Variants in SP100 observed in about 807,000 individuals in gnomAD.
The protein encoded by SP100 is nuclear autoantigen Sp-100.
Under a neutral mutation model 130.0 loss-of-function variants are expected in SP100, and 84 were observed. That is an observed-to-expected ratio of 0.65 (90% confidence interval 0.54 to 0.77). The LOEUF (loss-of-function observed/expected upper bound fraction) is 0.77. SP100 is among the 30% of genes least tolerant of loss of function. The pLI is 0.00. For synonymous variants in SP100, 331 were observed against 351.7 expected (o/e 0.94, Z 0.66); for missense variants, 978 against 1,052.2 (o/e 0.93, Z 0.97).
chr2:230,431,000 C>T (rs893151215), intron 2 of SP100, among the ~76,000 whole-genome samples: 8 of 152,294 alleles, frequency 5.3e-5, no homozygotes, highest in Admixed American at 4.6e-4. Flanking sequence ...GAAACCTAAA[C>T]GTCTTAGGTG....
chr2:230,517,498 A>T lies in SP100; in HGVS notation c.2094+6332A>T, dbSNP rs922695510. ...AGTTTTGGGCCAGGCGCCATAGCTA[A>T]CACCTGTAATCCCAGCACTGTGGGA... On this transcript the variant is annotated intron_variant, in intron 24 of 28. Transcript: ENST00000340126. 4.6e-5 allele frequency among the ~76,000 whole-genome samples: 7 copies of T among 152,312 alleles called. No individual in the cohort carries two copies. The South Asian group carries it at 1.0e-3, about 23-fold the overall frequency.
rs1444056896 is a variant in SP100 at position 230,473,399 on chromosome 2, A to T, written c.1505A>T (p.Gln502Leu). 5 of 1,613,800 alleles carry T rather than the reference A, an allele frequency of 3.1e-6. No individual in the cohort carries two copies. The highest frequency in any genetic ancestry group is 4.2e-6 in the Non-Finnish European group (5 of 1,179,738). ...MCFPKGVPRSQEARTESSQAS... is the reference protein window; with the variant it reads ...MCFPKGVPRSLEARTESSQAS... ...TTTCCAAAAGGTGTGCCAAGAAGCC[A>T]AGAAGCAAGGACTGAAAGTAGTCAA... The change falls in exon 16 of 29, where the codon CAA becomes CTA. Residue 502 changes from glutamine (Q) to leucine (L), a missense_variant. Physicochemically the swap from Gln to Leu is moderately radical, Grantham distance 113. Coordinates refer to ENST00000340126, the MANE Select transcript of SP100 (RefSeq NM_001080391.2).
intron 2 of SP100, among the ~76,000 whole-genome samples, chr2:230,435,375 T>C (rs759359983): frequency 6.6e-6 from 1 of 152,198 alleles, no homozygotes; most frequent in Non-Finnish European, 1.5e-5. Context: ...ATCAGATATA[T>C]TAACCCTTTG....
In SP100 at chr2:230,459,899, A is replaced by G. The variant is rs1231321391; in HGVS notation, c.821-1363A>G. Among the ~76,000 whole-genome samples the G allele has an allele frequency of 3.3e-5, 5 of 152,314 alleles. No individual in the cohort carries two copies. The East Asian group carries it at 9.7e-4, about 29-fold the overall frequency. On this transcript the variant is annotated intron_variant, in intron 8 of 28. Coordinates refer to ENST00000340126, the MANE Select transcript of SP100 (RefSeq NM_001080391.2). ...CCAGTGCCTTCGTGTGGCCCTTAGC[A>G]GTAGATCAACACTGCTTGGAGTGGT...
intron 10 of SP100, 160 bp downstream of exon 10, chr2:230,462,678 G>C: frequency 3.2e-6 from 2 of 620,062 alleles, no homozygotes; most frequent in Non-Finnish European, 5.8e-6. Flanking sequence ...TTTGGAAAAT[G>C]CAGGGAGACA....
chr2:230,485,229 A>G (rs554055233), intron 17 of SP100, among the ~76,000 whole-genome samples: 1 of 152,262 alleles, frequency 6.6e-6, no homozygotes, highest in South Asian at 2.1e-4. Context: ...CTGGGATGAC[A>G]GGCATGAGCT....
intron 5 of SP100, among the ~76,000 whole-genome samples, chr2:230,448,125 A>G (rs2063789230): frequency 6.6e-6 from 1 of 152,218 alleles, no homozygotes; most frequent in Non-Finnish European, 1.5e-5. Flanking sequence ...AAACTTGGTG[A>G]TGGCAGAAGA....
chr2:230,514,949 G>A, intron 24 of SP100: 1 of 1,366,544 alleles, frequency 7.3e-7, no homozygotes. Context: ...GCTCCATAGA[G>A]ATAGTGCTGG....
intron 2 of SP100, among the ~76,000 whole-genome samples, chr2:230,432,846 A>G (rs2063139195): frequency 6.6e-6 from 1 of 152,162 alleles, no homozygotes; most frequent in Non-Finnish European, 1.5e-5. Flanking sequence ...AAATTTTGTT[A>G]AATTTTAACA....
chr2:230,519,301 G>A (rs1691060804), intron 24 of SP100, among the ~76,000 whole-genome samples: 1 of 152,216 alleles, frequency 6.6e-6, no homozygotes, highest in African/African-American at 2.4e-5. Flanking sequence ...GTCAGTGGGA[G>A]ATTGGGAGCA....
intron 8 of SP100, among the ~76,000 whole-genome samples, chr2:230,458,877 A>G (rs903722282): frequency 6.6e-6 from 1 of 152,226 alleles, no homozygotes; most frequent in Non-Finnish European, 1.5e-5. Context: ...AGGTAACGTT[A>G]ATAATTAAGA....
At chr2:230,422,919 C>G (rs1253947338) in intron 2 of SP100, among the ~76,000 whole-genome samples, 1 of 152,178 alleles carries the variant, frequency 6.6e-6, no homozygotes, top group Non-Finnish European at 1.5e-5. Flanking sequence ...AACTTTGTGA[C>G]CTACAATTTT....
At chr2:230,531,974 T>G (rs1691721823) in intron 24 of SP100, among the ~76,000 whole-genome samples, 1 of 152,248 alleles carries the variant, frequency 6.6e-6, no homozygotes, top group African/African-American at 2.4e-5. Flanking sequence ...GGATTTTCCT[T>G]ATATATACAT....
chr2:230,446,937 G>C, intron 5 of SP100, 35 bp downstream of exon 5: 4 of 1,281,776 alleles, frequency 3.1e-6, no homozygotes, highest in Non-Finnish European at 4.5e-6. Flanking sequence ...TTTTCTAAGA[G>C]AGGTTAGGGA....
chr2:230,511,746 C>G (rs1295649679), intron 24 of SP100, among the ~76,000 whole-genome samples: 1 of 152,166 alleles, frequency 6.6e-6, no homozygotes, highest in Non-Finnish European at 1.5e-5. Flanking sequence ...CTGGTTAGGA[C>G]AAAAACCATC....
chr2:230,531,282 A>C (rs1691687522), intron 24 of SP100, among the ~76,000 whole-genome samples: 2 of 152,214 alleles, frequency 1.3e-5, no homozygotes, highest in Non-Finnish European at 2.9e-5. Flanking sequence ...ACATGGATGA[A>C]GCTGGAAACC....
At chr2:230,531,276 G>A (rs528652830) in intron 24 of SP100, among the ~76,000 whole-genome samples, 1 of 152,276 alleles carries the variant, frequency 6.6e-6, no homozygotes, top group East Asian at 1.9e-4. Context: ...GCAGGGACAT[G>A]GATGAAGCTG....
chr2:230,437,563 T>G (rs1300438980), intron 2 of SP100, among the ~76,000 whole-genome samples: 1 of 151,968 alleles, frequency 6.6e-6, no homozygotes, highest in South Asian at 2.1e-4. Context: ...TTTTGTTTTG[T>G]TTTGTTTTGT....
Position 230,449,728 on chromosome 2 carries a change from G to C in SP100, c.736+18G>C. Reference sequence around the variant, plus strand: ...GCCAACAGGTAAGACTGACTGGGTTGGCATGAATGGGGAGGAGCCAAGGGG... The same window carrying C: ...GCCAACAGGTAAGACTGACTGGGTTCGCATGAATGGGGAGGAGCCAAGGGG... On this transcript the variant is annotated intron_variant, in intron 7 of 28. Coordinates refer to ENST00000340126, the MANE Select transcript of SP100 (RefSeq NM_001080391.2). 6.2e-7 allele frequency: 1 copy of C among 1,613,838 alleles called. No individual in the cohort carries two copies. The highest frequency in any genetic ancestry group is 1.6e-4 in the Middle Eastern group (1 of 6,062).
Sources: allele counts gnomAD v4.1 joint callset (sites outside exome capture counted in the v4.1 genomes callset), GRCh38; gene constraint gnomAD v4.1.1; transcripts MANE v1.5; gene names NCBI Gene and HGNC (gene_info 2026-07-23, HGNC 2026-07-21).